Variants in BTF3L4 observed in about 807,000 individuals in gnomAD.
BTF3L4 encodes transcription factor BTF3 homolog 4.
A neutral mutation model predicts 16.8 loss-of-function variants in BTF3L4; 6 were observed. That is an observed-to-expected ratio of 0.36 (90% CI 0.20 to 0.71). The LOEUF (loss-of-function observed/expected upper bound fraction) is 0.71, where lower values mean the gene tolerates loss of function less well. Ranked by LOEUF, BTF3L4 falls within the 30% of genes least tolerant of loss-of-function variation. The pLI is 0.58. For missense variants in BTF3L4, 92 were observed against 186.9 expected (o/e 0.49, Z 2.96); for synonymous variants, 39 against 59.8 (o/e 0.65, Z 1.60).
In BTF3L4 at chr1:52,086,802, CAG is replaced by C; in HGVS notation, c.*45_*46del. 7.2e-7 allele frequency: 1 copy of C among 1,397,232 alleles called. No individual in the cohort carries two copies. The highest frequency in any genetic ancestry group is 1.3e-5 in the South Asian group (1 of 77,950). 86.6% of individuals were successfully genotyped at this position (1,397,232 alleles called of 1,614,324 possible). On this transcript the variant is annotated 3_prime_UTR_variant, in exon 6 of 6. Transcript: ENST00000313334. ...CTGGCATGGACTAGATTTAACAAAT[CAG>C]CTATGTGGTTCCAAAGTTTTACAGA...
At chr1:52,063,338 C>T (rs993604250) in intron 2 of BTF3L4, among the ~76,000 whole-genome samples, 1 of 152,144 alleles carries the variant, frequency 6.6e-6, no homozygotes. Flanking sequence ...TCGAGTTGAA[C>T]AAGCACCAAG....
intron 2 of BTF3L4, among the ~76,000 whole-genome samples, chr1:52,063,009 G>A (rs1008898450): frequency 3.9e-5 from 6 of 152,166 alleles, no homozygotes; most frequent in South Asian, 2.1e-4. Context: ...AGTAATGCTC[G>A]CTCATGCCCC....
chr1:52,079,363 C>G (rs946431952), intron 3 of BTF3L4, among the ~76,000 whole-genome samples: 27 of 108,932 alleles, frequency 2.5e-4, no homozygotes, highest in African/African-American at 9.0e-4. Flanking sequence ...GCCTGGGCAA[C>G]AAAGTGAGAC....
intron 3 of BTF3L4, among the ~76,000 whole-genome samples, chr1:52,079,985 C>T (rs1643903597): frequency 6.6e-6 from 1 of 151,414 alleles, no homozygotes; most frequent in Non-Finnish European, 1.5e-5. Context: ...GATTCTCCTG[C>T]CTCAGCCTCC....
intron 3 of BTF3L4, among the ~76,000 whole-genome samples, chr1:52,070,182 A>C (rs1188124829): frequency 6.7e-6 from 1 of 150,098 alleles, no homozygotes; most frequent in Non-Finnish European, 1.5e-5. Context: ...GTGCCATTGC[A>C]CTCTAGCCTG....
chr1:52,085,804 C>G (rs1643966916), intron 4 of BTF3L4, among the ~76,000 whole-genome samples: 1 of 152,082 alleles, frequency 6.6e-6, no homozygotes, highest in Non-Finnish European at 1.5e-5. Flanking sequence ...AAGATCGCAT[C>G]ACTACACTCC....
chr1:52,062,053 C>T (rs2124415170), intron 2 of BTF3L4, among the ~76,000 whole-genome samples: 1 of 152,100 alleles, frequency 6.6e-6, no homozygotes, highest in East Asian at 1.9e-4. Flanking sequence ...TCTCCTGCCT[C>T]AGCCTCCCAA....
In BTF3L4 at chr1:52,060,830, T is replaced by C. The variant is rs533859376; in HGVS notation, c.54+929T>C. Among the ~76,000 whole-genome samples the C allele has an allele frequency of 7.9e-5, 12 of 152,350 alleles. No individual in the cohort carries two copies. The South Asian group carries it at 1.9e-3, about 24-fold the overall frequency. ...GTCTGGAGTTAGAATAACACACTCATGTAACCACAGTAGTCACATTGTAGC... is the reference window on the plus strand; with the variant it reads ...GTCTGGAGTTAGAATAACACACTCACGTAACCACAGTAGTCACATTGTAGC... On this transcript the variant is annotated intron_variant, in intron 2 of 5. Transcript: ENST00000313334.
Position 52,086,094 on chromosome 1 carries a change from A to C in BTF3L4, c.371-18A>C. 1 of 1,567,948 alleles carries C rather than the reference A, an allele frequency of 6.4e-7. No individual in the cohort carries two copies. Among genetic ancestry groups the C allele is most frequent in the Non-Finnish European group, 8.7e-7 (1 of 1,152,398 alleles). On this transcript the variant is annotated intron_variant, in intron 4 of 5. Coordinates refer to ENST00000313334, the MANE Select transcript of BTF3L4 (RefSeq NM_152265.5). ...GTCTTTGTTCTCAATGACTAATATTAAAATAAACTTTTTGTAGTCTTGGAC... is the reference window on the plus strand; with the variant it reads ...GTCTTTGTTCTCAATGACTAATATTCAAATAAACTTTTTGTAGTCTTGGAC...
chr1:52,075,412 C>T (rs182164297), intron 3 of BTF3L4, among the ~76,000 whole-genome samples: 10 of 150,582 alleles, frequency 6.6e-5, no homozygotes, highest in Non-Finnish European at 1.3e-4. Flanking sequence ...CCCAGCTACT[C>T]TCAGGAGGCT....
In BTF3L4 at chr1:52,089,310, C is replaced by G. The variant is rs1643998758; in HGVS notation, c.*2552C>G. 1 of 152,114 alleles carries G rather than the reference C, an allele frequency of 6.6e-6. No homozygotes were observed. Among genetic ancestry groups the G allele is most frequent in the Non-Finnish European group, 1.5e-5 (1 of 68,030 alleles). The allele number at this position is 152,114 out of a possible 1,614,324, so 9.4% of individuals were successfully genotyped here. ...GATAACAATTCTTAATGGCTGGCCT[C>G]TCTTGTGTACAATGAGCCAATATTC... On this transcript the variant is annotated 3_prime_UTR_variant, in exon 6 of 6. Transcript: ENST00000313334.
chr1:52,082,007 AT>A (rs1394841568), intron 3 of BTF3L4, among the ~76,000 whole-genome samples: 1 of 152,156 alleles, frequency 6.6e-6, no homozygotes, highest in Non-Finnish European at 1.5e-5. Flanking sequence ...GACAGGGCAG[AT>A]TTTGGATGAA....
At chr1:52,076,459 C>A (rs1686936565) in intron 3 of BTF3L4, among the ~76,000 whole-genome samples, 1 of 151,644 alleles carries the variant, frequency 6.6e-6, no homozygotes. Context: ...TGACTCTAAT[C>A]CCAGATACTC....
chr1:52,065,775 C>T (rs909771841), intron 3 of BTF3L4, among the ~76,000 whole-genome samples: 6 of 152,058 alleles, frequency 3.9e-5, no homozygotes, highest in African/African-American at 1.2e-4. Context: ...CAGTGGCTCA[C>T]GCCTGTAATC....
intron 3 of BTF3L4, among the ~76,000 whole-genome samples, chr1:52,078,533 A>G (rs1475072181): frequency 1.3e-5 from 2 of 152,206 alleles, no homozygotes; most frequent in Non-Finnish European, 2.9e-5. Context: ...CAATTATACT[A>G]CAAGACAATT....
At chr1:52,080,836 CTT>C (rs34697464) in intron 3 of BTF3L4, among the ~76,000 whole-genome samples, 5,321 of 83,718 alleles carry the variant, frequency 0.064, 322 homozygotes, top group African/African-American at 0.19. Context: ...GCTCGGCCTT[CTT>C]TTTTTTTTTT....
chr1:52,078,229 CTT>C (rs376320702), intron 3 of BTF3L4, among the ~76,000 whole-genome samples: 3 of 132,170 alleles, frequency 2.3e-5, no homozygotes, highest in African/African-American at 5.6e-5. Flanking sequence ...ATTGCTTTTG[CTT>C]TTTTTTTTTT....
At chr1:52,074,529 A>C (rs1279740684) in intron 3 of BTF3L4, among the ~76,000 whole-genome samples, 1 of 151,886 alleles carries the variant, frequency 6.6e-6, no homozygotes, top group East Asian at 1.9e-4. Flanking sequence ...ATGCCCGGCT[A>C]ATTTTGTATT....
chr1:52,081,876 A>G (rs557410977), intron 3 of BTF3L4, among the ~76,000 whole-genome samples: 1 of 152,300 alleles, frequency 6.6e-6, no homozygotes, highest in Non-Finnish European at 1.5e-5. Context: ...CTTGCCTGAA[A>G]TTTAGAAGCC....
Sources: gnomAD v4.1 joint callset for allele counts (sites outside exome capture counted in the v4.1 genomes callset) on GRCh38, gnomAD v4.1.1 for gene constraint, MANE v1.5 for transcripts, NCBI Gene and HGNC (gene_info 2026-07-23, HGNC 2026-07-21) for gene names.